IDO2: variants seen among roughly 807,000 people sequenced by gnomAD.
The protein encoded by IDO2 is indoleamine 2,3-dioxygenase-like 1 protein.
A neutral mutation model predicts 45.1 loss-of-function variants in IDO2; 46 were observed. The observed-to-expected ratio is 1.02, with a 90% CI of 0.80 to 1.30. The LOEUF is 1.30. IDO2 is among the 50% of genes most tolerant of loss of function. The pLI, the probability that IDO2 is intolerant of heterozygous loss-of-function variation, is 0.00. For synonymous variants in IDO2, 218 were observed against 184.9 expected, an observed-to-expected ratio of 1.18 and a Z score of -1.45; for missense variants, 544 against 491.8, an observed-to-expected ratio of 1.11 and a Z score of -1.00.
At chr8:39,974,263 TA>T (rs1808226162) in intron 3 of IDO2, among the ~76,000 whole-genome samples, 1 of 152,180 alleles carries the variant, frequency 6.6e-6, no homozygotes, top group Non-Finnish European at 1.5e-5. Context: ...GAATACATAC[TA>T]AACATATGAC....
At chr8:40,016,157 A>G (rs186938254) in exon 11 of IDO2, 1 of 395,972 alleles carries the variant, frequency 2.5e-6, no homozygotes, top group Non-Finnish European at 4.5e-6. Context: ...GGAAGTCACT[A>G]GTGTGAAAAT....
chr8:39,966,011 T>G (rs1383847104), intron 3 of IDO2, among the ~76,000 whole-genome samples: 1 of 150,672 alleles, frequency 6.6e-6, no homozygotes, highest in Non-Finnish European at 1.5e-5. Context: ...ACAACACTCT[T>G]GGTCTCTATC....
chr8:39,944,549 T>A (rs1336630800), intron 1 of IDO2, among the ~76,000 whole-genome samples: 2 of 152,152 alleles, frequency 1.3e-5, no homozygotes, highest in African/African-American at 2.4e-5. Flanking sequence ...TCCCAGCACA[T>A]CCAGGAATGC....
chr8:39,996,513 A>G (rs760302727), intron 8 of IDO2, among the ~76,000 whole-genome samples: 10 of 151,310 alleles, frequency 6.6e-5, no homozygotes, highest in African/African-American at 1.5e-4. Flanking sequence ...TAACAGCTCA[A>G]TCTGGCATTT....
At chr8:39,997,641 A>G (rs1048318611) in intron 8 of IDO2, among the ~76,000 whole-genome samples, 1 of 152,220 alleles carries the variant, frequency 6.6e-6, no homozygotes, top group Non-Finnish European at 1.5e-5. Context: ...GCCTGGGGAC[A>G]GAGTGAGACC....
At chr8:39,973,219 T>C (rs1808207675) in intron 3 of IDO2, among the ~76,000 whole-genome samples, 3 of 152,182 alleles carry the variant, frequency 2.0e-5, no homozygotes, top group Non-Finnish European at 1.5e-5. Context: ...CAGTATGAAG[T>C]CATGTTTTGT....
intron 1 of IDO2, among the ~76,000 whole-genome samples, chr8:39,945,408 G>A (rs1006721672): frequency 1.8e-4 from 28 of 152,192 alleles, no homozygotes; most frequent in Non-Finnish European, 3.1e-4. Flanking sequence ...TCAGCCCTCT[G>A]AGGTCAAAAG....
rs964500760 is a variant in IDO2 at position 39,943,197 on chromosome 8, G to A, written c.-17-5952G>A. On this transcript the variant is annotated intron_variant, in intron 1 of 10. Coordinates refer to ENST00000502986, the Ensembl canonical transcript of IDO2. ...AGCGTGACTAACGTGGGGAAACCCC[G>A]TCTTTAAGAAAAATGCAAAAAATAT... 2.6e-5 allele frequency among the ~76,000 whole-genome samples: 4 copies of A among 151,994 alleles called. No homozygotes were observed. The South Asian group carries it at 6.3e-4, about 24-fold the overall frequency.
At chr8:39,979,114 C>A in exon 4 of IDO2, 1 of 1,602,146 alleles carries the variant, frequency 6.2e-7, no homozygotes, top group Non-Finnish European at 8.5e-7. Context: ...GGGAGCAGCG[C>A]CTGGCCCACC....
intron 9 of IDO2, among the ~76,000 whole-genome samples, chr8:40,011,705 A>G (rs1178171279): frequency 6.6e-6 from 1 of 152,216 alleles, no homozygotes; most frequent in Non-Finnish European, 1.5e-5. Context: ...CTGGGCAGGT[A>G]TTATTTTAAT....
At chr8:40,009,875 A>G (rs1251633768) in intron 9 of IDO2, among the ~76,000 whole-genome samples, 6 of 152,200 alleles carry the variant, frequency 3.9e-5, no homozygotes, top group Non-Finnish European at 7.3e-5. Context: ...CTTGGGCTAC[A>G]TATTCTGGAT....
At chr8:39,961,382 G>T (rs986439194) in intron 2 of IDO2, among the ~76,000 whole-genome samples, 1 of 139,464 alleles carries the variant, frequency 7.2e-6, no homozygotes, top group Admixed American at 8.1e-5. Context: ...GAGTGCAGTG[G>T]TACGATCTTG....
chr8:40,000,453 T>C (rs892058484), intron 8 of IDO2, among the ~76,000 whole-genome samples: 3 of 152,036 alleles, frequency 2.0e-5, no homozygotes, highest in Non-Finnish European at 4.4e-5. Flanking sequence ...TATCATGATA[T>C]ATTATTTTGT....
chr8:39,938,467 A>G (rs1585391674), intron 1 of IDO2, among the ~76,000 whole-genome samples: 1 of 152,166 alleles, frequency 6.6e-6, no homozygotes, highest in Admixed American at 6.5e-5. Context: ...CATTTTAAAA[A>G]CTGCTATGAC....
At chr8:39,996,617 C>G (rs982829552) in intron 8 of IDO2, among the ~76,000 whole-genome samples, 1 of 152,134 alleles carries the variant, frequency 6.6e-6, no homozygotes, top group Non-Finnish European at 1.5e-5. Context: ...TTTATTTCTA[C>G]CATCTCTTGT....
rs186080999 is a variant in IDO2 at position 40,011,432 on chromosome 8, T to C, written c.720-2133T>C. 2.6e-3 allele frequency among the ~76,000 whole-genome samples: 403 copies of C among 152,378 alleles called. 3 individuals are homozygous for C. The highest frequency in any genetic ancestry group is 9.3e-3 in the African/African-American group (387 of 41,592). On this transcript the variant is annotated intron_variant, in intron 9 of 10. Transcript: ENST00000502986. ...CCCATATATCACCCAACAGCAGTTA[T>C]GTCTTTCATGTTTCTTCCCCATAAA...
At chr8:39,976,525 T>C (rs987248044) in intron 3 of IDO2, among the ~76,000 whole-genome samples, 3 of 152,220 alleles carry the variant, frequency 2.0e-5, no homozygotes, top group Non-Finnish European at 4.4e-5. Flanking sequence ...CATGTGTTTA[T>C]ATTCACGGTG....
chr8:39,943,804 C>A (rs1541619), intron 1 of IDO2, among the ~76,000 whole-genome samples: 52,768 of 150,330 alleles, frequency 0.35, 11,330 homozygotes, highest in Non-Finnish European at 0.48. Context: ...CAGTTGAATG[C>A]TTTCGTCTAA....
chr8:39,949,225 CAT>C lies in IDO2; in HGVS notation c.63_64del (p.Ser22Ter), dbSNP rs1193095310. On this transcript the variant is annotated frameshift_variant, in exon 2 of 11. Transcript: ENST00000502986. LOFTEE classifies it high-confidence loss of function. ...TGCCATTGTCTTTGGAAAGCTATCACATATCTGAAGAGTATGGCTTTCTTCTT... is the reference window on the plus strand; with the variant it reads ...TGCCATTGTCTTTGGAAAGCTATCACATCTGAAGAGTATGGCTTTCTTCTT... The C allele has an allele frequency of 3.1e-6, 5 of 1,604,886 alleles. No individual in the cohort carries two copies. The African/African-American group carries it at 6.7e-5, about 21-fold the overall frequency.
Sources: gnomAD v4.1 joint callset for allele counts (sites outside exome capture counted in the v4.1 genomes callset) on GRCh38, gnomAD v4.1.1 for gene constraint, MANE v1.5 for transcripts, NCBI Gene and HGNC (gene_info 2026-07-23, HGNC 2026-07-21) for gene names.